MFN1: variants seen among roughly 807,000 people sequenced by gnomAD.
MFN1 encodes the protein mitofusin 1, also known as mitofusin-1.
A neutral mutation model predicts 92.4 loss-of-function variants in MFN1; 65 were observed. The observed-to-expected ratio is 0.70, with a 90% CI of 0.58 to 0.86. The LOEUF (loss-of-function observed/expected upper bound fraction) is 0.86. Ranked by LOEUF, MFN1 falls within the 40% of genes least tolerant of loss-of-function variation. MFN1 has a pLI of 0.00. For synonymous variants in MFN1, 297 were observed against 300.9 expected, an observed-to-expected ratio of 0.99 and a Z score of 0.13; for missense variants, 781 against 868.0, an observed-to-expected ratio of 0.90 and a Z score of 1.26.
At position 179,394,466 on chromosome 3, in the gene MFN1, A is replaced by C. The variant is rs1452153285; in HGVS notation, c.*2407A>C. 8.5e-6 allele frequency: 1 copy of C among 117,500 alleles called. No individual in the cohort carries two copies. Among genetic ancestry groups the C allele is most frequent in the African/African-American group, 3.4e-5 (1 of 29,538 alleles). The allele number at this position is 117,500 out of a possible 1,614,324, so 7.3% of individuals were successfully genotyped here. A position where few individuals can be genotyped will look rare whatever the true frequency, so the allele number is the denominator to read the frequency against. On this transcript the variant is annotated 3_prime_UTR_variant, in exon 18 of 18. Coordinates refer to ENST00000471841, the MANE Select transcript of MFN1 (RefSeq NM_033540.3). ...AGTCTCGCTCTGTCGCCCAGGCTGGAGTGCAGTGGCGCGATCTCGGCTCAC... is the reference window on the plus strand; with the variant it reads ...AGTCTCGCTCTGTCGCCCAGGCTGGCGTGCAGTGGCGCGATCTCGGCTCAC...
rs530605983 is a variant in MFN1, at chr3:179,382,918, TG to T, written c.1663-2650del. On this transcript the variant is annotated intron_variant, in intron 14 of 17. Coordinates refer to ENST00000471841, the MANE Select transcript of MFN1 (RefSeq NM_033540.3). ...TCCTTCGCCCACTTTTTGATGGGGT[TG>T]TTTTTTTCTTGTAAATTTGTTTGAG... Among the ~76,000 whole-genome samples, 7 of 152,304 alleles carry T rather than the reference TG, an allele frequency of 4.6e-5. No homozygotes were observed. The South Asian group carries it at 1.2e-3, about 27-fold the overall frequency.
chr3:179,372,650 A>G lies in MFN1; in HGVS notation c.976-2570A>G, dbSNP rs545975982. On this transcript the variant is annotated intron_variant, in intron 9 of 17. Coordinates refer to ENST00000471841, the MANE Select transcript of MFN1 (RefSeq NM_033540.3). ...TTCTTCTCTATACTTACTCATCATT[A>G]TATATTTTTGAATCAGACAGTAACT... Among the ~76,000 whole-genome samples the G allele has an allele frequency of 3.3e-5, 5 of 152,250 alleles. No individual in the cohort carries two copies. The East Asian group carries it at 9.6e-4, about 29-fold the overall frequency.
Position 179,385,669 on chromosome 3 carries a change from T to G in MFN1, c.1763T>G (p.Leu588Trp), listed in dbSNP as rs1713656670. Residue 588 changes from leucine (L) to tryptophan (W), a missense_variant, in exon 15 of 18, where the codon TTG becomes TGG. Leu to Trp is a moderately conservative substitution (Grantham distance 61). Coordinates refer to ENST00000471841, the MANE Select transcript of MFN1 (RefSeq NM_033540.3). ...CTCATGATTACATTAGTAACAGGAT[T>G]GGCGTCCGTTACATCTAGAACTTCT... Reference protein sequence around the residue: ...EELMITLVTGLASVTSRTSMG... With the variant: ...EELMITLVTGWASVTSRTSMG... 1 of 1,613,904 alleles carries G rather than the reference T, an allele frequency of 6.2e-7. No individual in the cohort carries two copies. Among genetic ancestry groups the G allele is most frequent in the Admixed American group, 1.7e-5 (1 of 59,994 alleles).
chr3:179,368,132 T>C (rs765878651), intron 9 of MFN1, 29 bp downstream of exon 9: 6 of 1,483,952 alleles, frequency 4.0e-6, no homozygotes, highest in Non-Finnish European at 5.5e-6. Flanking sequence ...TATTGCCTAA[T>C]ACAAAACTCT....
chr3:179,355,357 A>C (rs1436477574), intron 3 of MFN1, among the ~76,000 whole-genome samples: 1 of 152,120 alleles, frequency 6.6e-6, no homozygotes, highest in Non-Finnish European at 1.5e-5. Context: ...GCAGCCCAGT[A>C]GGTCTCATCC....
chr3:179,385,847 TG>T (rs1713667280), intron 15 of MFN1, 126 bp downstream of exon 15: 2 of 944,832 alleles, frequency 2.1e-6, no homozygotes, highest in African/African-American at 3.5e-5. Context: ...TATGAAAATT[TG>T]CAGGTTAAAA....
At chr3:179,380,563 T>C (rs1024998748) in intron 14 of MFN1, among the ~76,000 whole-genome samples, 1 of 152,234 alleles carries the variant, frequency 6.6e-6, no homozygotes. Flanking sequence ...GGATGATGAC[T>C]GCAAGATTTT....
intron 14 of MFN1, among the ~76,000 whole-genome samples, chr3:179,379,380 G>T (rs1335718979): frequency 6.6e-6 from 1 of 152,146 alleles, no homozygotes; most frequent in East Asian, 1.9e-4. Context: ...TTGAGACAGA[G>T]ACCTGCGCTG....
chr3:179,372,822 A>G (rs1713078600), intron 9 of MFN1, among the ~76,000 whole-genome samples: 1 of 152,164 alleles, frequency 6.6e-6, no homozygotes, highest in Admixed American at 6.5e-5. Flanking sequence ...TTTCCTTTTA[A>G]AAATATTTTT....
chr3:179,377,577 G>A lies in MFN1; in HGVS notation c.1329+129G>A, dbSNP rs182736567. The stretch of plus-strand genomic sequence containing the variant: ...ACTGTTAGATCTCTTGTGCCCTCTT[G>A]TAATAAATGTAAACTGTCTTGTATA... On this transcript the variant is annotated intron_variant, in intron 12 of 17. Coordinates refer to ENST00000471841, the MANE Select transcript of MFN1 (RefSeq NM_033540.3). 5.0e-4 allele frequency: 273 copies of A among 542,750 alleles called. 1 individual carries two copies. In the Middle Eastern group the frequency reaches 8.1e-3, roughly 16 times the overall value. The allele number at this position is 542,750 out of a possible 1,614,324, so 33.6% of individuals were successfully genotyped here. A position where few individuals can be genotyped will look rare whatever the true frequency, so the allele number is the denominator to read the frequency against.
At chr3:179,365,092 A>G in intron 6 of MFN1, 26 bp from the exon 7 acceptor site, 2 of 1,261,746 alleles carry the variant, frequency 1.6e-6, no homozygotes, top group East Asian at 2.5e-5. Context: ...TAGTGAATGT[A>G]CTGTGGGGTT....
At chr3:179,385,498 TAG>T in intron 14 of MFN1, 69 bp from the exon 15 acceptor site, 6 of 1,405,496 alleles carry the variant, frequency 4.3e-6, no homozygotes, top group Non-Finnish European at 5.7e-6. Flanking sequence ...ACTATAATTT[TAG>T]AGTTTTATAA....
chr3:179,356,731 T>G (rs920826975), intron 3 of MFN1, among the ~76,000 whole-genome samples: 5 of 152,174 alleles, frequency 3.3e-5, no homozygotes, highest in African/African-American at 1.2e-4. Flanking sequence ...GAGTCTTGAT[T>G]CTTTAGGTTC....
rs981803878 is a variant in MFN1, at chr3:179,389,066, C to A, written c.2013-938C>A. Among the ~76,000 whole-genome samples the A allele has an allele frequency of 5.9e-5, 9 of 152,182 alleles. No homozygotes were observed. The East Asian group carries it at 1.2e-3, about 20-fold the overall frequency. ...CAGGAACGGTAAACTGTTGCAGATA[C>A]AAAATCAAAGTCTGAACTAACAGTT... On this transcript the variant is annotated intron_variant, in intron 16 of 17. Coordinates refer to ENST00000471841, the MANE Select transcript of MFN1 (RefSeq NM_033540.3).
Position 179,351,972 on chromosome 3 carries a change from A to G in MFN1, c.185A>G (p.Asp62Gly). ...CTGGTAGAAATGCAAGGATATAAAG[A>G]CAAGCTTTCCATCATTGGTGAGGTG... ...DDLVEMQGYKDKLSIIGEVLS... is the reference protein window; with the variant it reads ...DDLVEMQGYKGKLSIIGEVLS... Residue 62 changes from aspartate (D) to glycine (G), a missense_variant, in exon 3 of 18, where the codon GAC becomes GGC. Asp to Gly is a moderately conservative substitution (Grantham distance 94, BLOSUM62 -1). Transcript: ENST00000471841. 2 of 1,611,378 alleles carry G rather than the reference A, an allele frequency of 1.2e-6. No individual in the cohort carries two copies. The highest frequency in any genetic ancestry group is 2.2e-5 in the East Asian group (1 of 44,844).
chr3:179,377,501 AC>A, intron 12 of MFN1, 53 bp downstream of exon 12: 1 of 1,087,276 alleles, frequency 9.2e-7, no homozygotes, highest in Non-Finnish European at 1.4e-6. Flanking sequence ...ATTATTCTAT[AC>A]CCTCATTTAT....
intron 7 of MFN1, among the ~76,000 whole-genome samples, chr3:179,366,221 G>A (rs914866595): frequency 1.3e-5 from 2 of 152,138 alleles, no homozygotes; most frequent in East Asian, 1.9e-4. Flanking sequence ...TAATGCAGAC[G>A]TCAGTAAACC....
chr3:179,350,915 G>A (rs1300150877), intron 2 of MFN1, among the ~76,000 whole-genome samples: 1 of 152,136 alleles, frequency 6.6e-6, no homozygotes, highest in East Asian at 1.9e-4. Context: ...GGAGTGCAGT[G>A]GCACCATCTC....
chr3:179,380,709 A>C (rs976034917), intron 14 of MFN1, among the ~76,000 whole-genome samples: 1 of 152,208 alleles, frequency 6.6e-6, no homozygotes, highest in Non-Finnish European at 1.5e-5. Context: ...TTTGGGCAGC[A>C]TGCTAGCAGC....
Sources: gnomAD v4.1 joint callset for allele counts (sites outside exome capture counted in the v4.1 genomes callset) on GRCh38, gnomAD v4.1.1 for gene constraint, MANE v1.5 for transcripts, NCBI Gene and HGNC (gene_info 2026-07-23, HGNC 2026-07-21) for gene names.